Variants in MAST1 observed in about 807,000 individuals in gnomAD.
MAST1 encodes microtubule associated serine/threonine kinase 1, also known as microtubule-associated serine/threonine-protein kinase 1.
Under a neutral mutation model 124.6 loss-of-function variants are expected in MAST1, and 40 were observed. The ratio of observed to expected loss-of-function variants is 0.32; its 90% CI spans 0.25 to 0.42. The LOEUF is 0.42. Among genes scored for constraint, MAST1 ranks in the 10% least tolerant of loss-of-function variants. The probability of loss-of-function intolerance (pLI) is 1.00; values close to 1 mark genes in which losing one functional copy is unlikely to be tolerated. For missense variants in MAST1, 1,558 were observed against 2,181.9 expected, an observed-to-expected ratio of 0.71 and a Z score of 5.70; for synonymous variants, 938 against 939.4, an observed-to-expected ratio of 1.00 and a Z score of 0.03.
In MAST1 at chr19:12,873,269, G is replaced by T. The variant is rs1032879254; in HGVS notation, c.3264-55G>T. 8.4e-6 allele frequency: 13 copies of T among 1,556,748 alleles called. No homozygotes were observed. The Admixed American group carries it at 2.0e-4, about 25-fold the overall frequency. On this transcript the variant is annotated intron_variant, in intron 24 of 25. Coordinates refer to ENST00000251472, the MANE Select transcript of MAST1 (RefSeq NM_014975.3). ...GTTGTGAGGCCGTGAAATGGGAGGAGCCCTGAGCTCTGGCGTCCAGGTCAA... is the reference window on the plus strand; with the variant it reads ...GTTGTGAGGCCGTGAAATGGGAGGATCCCTGAGCTCTGGCGTCCAGGTCAA...
chr19:12,866,574 AC>A lies in MAST1; in HGVS notation c.2030-77del. ...CTGAAGACTTGTAAACCCGTCTTGA[AC>A]CAGGACTGGGCTCCTGTGGGGATGT... is the stretch of plus-strand genomic sequence containing the variant. On this transcript the variant is annotated intron_variant, in intron 17 of 25. Coordinates refer to ENST00000251472, the MANE Select transcript of MAST1 (RefSeq NM_014975.3). This position sits in a 1 kb window ranked among gnomAD's most constrained non-coding sequence, Gnocchi z 5.2. 1.1e-6 allele frequency: 1 copy of A among 924,918 alleles called. No homozygotes were observed. Among genetic ancestry groups the A allele is most frequent in the Non-Finnish European group, 1.7e-6 (1 of 578,962 alleles). 57.3% of individuals were successfully genotyped at this position (924,918 alleles called of 1,614,324 possible).
Position 12,838,649 on chromosome 19 carries a change from C to T in MAST1, c.77C>T (p.Thr26Ile). The T allele has an allele frequency of 6.2e-7, 1 of 1,609,286 alleles. No homozygotes were observed. Among genetic ancestry groups the T allele is most frequent in the Non-Finnish European group, 8.5e-7 (1 of 1,178,264 alleles). The change falls in exon 1 of 26, where the codon ACC (threonine) becomes ATC (isoleucine). Residue 26 changes from threonine to isoleucine, a missense_variant. Physicochemically the swap from Thr to Ile is moderately conservative, Grantham distance 89 (BLOSUM62 -1). Transcript: ENST00000251472. The surrounding 1 kb of genome is among the most constrained non-coding windows in gnomAD (Gnocchi z 4.3). ...CCCGGCGGCAGTATGTTCCGCCGCA[C>T]CAAGAGGTAGACCCCCGATCCCCTA... ...SFPGGSMFRR[T>I]KSCRTSNRKS... is the part of the protein sequence containing the mutation.
In MAST1 at chr19:12,873,751, G is replaced by A. The variant is rs1446181445; in HGVS notation, c.3594G>A (p.Ser1198=). Residue 1198 remains serine (S), a synonymous_variant, in exon 26 of 26, where the codon TCG becomes TCA. Transcript: ENST00000251472. ...HRQYRSARCK[S]AGNIPLSPLA... ...AGTACCGCTCTGCGCGATGCAAGTC[G>A]GCCGGCAACATCCCTCTATCGCCGC... The A allele has an allele frequency of 6.2e-7, 1 of 1,601,762 alleles. No individual in the cohort carries two copies. The highest frequency in any genetic ancestry group is 8.5e-7 in the Non-Finnish European group (1 of 1,179,264).
In MAST1 at chr19:12,874,457, G is replaced by A. The variant is rs1214634136; in HGVS notation, c.4300G>A (p.Val1434Ile). 3 of 1,593,766 alleles carry A rather than the reference G, an allele frequency of 1.9e-6. No individual in the cohort carries two copies. Among genetic ancestry groups the A allele is most frequent in the Non-Finnish European group, 2.5e-6 (3 of 1,176,512 alleles). The change falls in exon 26 of 26, where the codon GTA becomes ATA. Residue 1434 changes from valine (V) to isoleucine (I), a missense_variant. By Grantham distance (29) the Val-to-Ile change is conservative. Around this residue, in one of 10 missense-constraint regions of MAST1, gnomAD observed 263 missense variants for 310.9 expected, o/e 0.85. Coordinates refer to ENST00000251472, the MANE Select transcript of MAST1 (RefSeq NM_014975.3). This position sits in a 1 kb window ranked among gnomAD's most constrained non-coding sequence, Gnocchi z 6.6. ...SSSGEAGTPL[V>I]PIVVEPARPG... Reference sequence around the variant, plus strand: ...CTCTGGCGAGGCGGGCACACCCCTGGTACCCATTGTCGTAGAGCCTGCGCG... The same window carrying A: ...CTCTGGCGAGGCGGGCACACCCCTGATACCCATTGTCGTAGAGCCTGCGCG...
In MAST1 at chr19:12,847,488, G is replaced by A. The variant is rs1174997149; in HGVS notation, c.488+38G>A. The A allele has an allele frequency of 5.6e-6, 9 of 1,612,642 alleles. No individual in the cohort carries two copies. The African/African-American group carries it at 1.2e-4, about 22-fold the overall frequency. On this transcript the variant is annotated intron_variant, in intron 5 of 25. Coordinates refer to ENST00000251472, the MANE Select transcript of MAST1 (RefSeq NM_014975.3). The surrounding 1 kb of genome is among the most constrained non-coding windows in gnomAD (Gnocchi z 5.5). ...CCCTCCTCCTTCGTACCAAGCTAGTGGTCTTAGGACTTGTGCTTAGAGAGA... is the reference window on the plus strand; with the variant it reads ...CCCTCCTCCTTCGTACCAAGCTAGTAGTCTTAGGACTTGTGCTTAGAGAGA...
At position 12,865,538 on chromosome 19, in the gene MAST1, G is replaced by A. The variant is rs1970141057; in HGVS notation, c.1804+57G>A. The stretch of plus-strand genomic sequence containing the variant: ...TGTGGTGTGCACGGAGAGATGGACA[G>A]GCTCAGGGTTCCAGGGATTTCAAAA... On this transcript the variant is annotated intron_variant, in intron 15 of 25. Coordinates refer to ENST00000251472, the MANE Select transcript of MAST1 (RefSeq NM_014975.3). The surrounding 1 kb of genome is among the most constrained non-coding windows in gnomAD (Gnocchi z 7.1). The A allele has an allele frequency of 1.3e-6, 2 of 1,533,500 alleles. No homozygotes were observed. The highest frequency in any genetic ancestry group is 4.5e-5 in the East Asian group (2 of 44,220). The allele number at this position is 1,533,500 out of a possible 1,614,324, so 95.0% of individuals were successfully genotyped here.
chr19:12,874,152 G>A lies in MAST1; in HGVS notation c.3995G>A (p.Gly1332Asp), dbSNP rs1970279282. ...APRQVAVRRL[G>D]RQESPLSLGA... ...CGGCAGGTCGCCGTCCGCCGCCTGG[G>A]CCGACAGGAGTCACCTTTGAGCCTG... The change falls in exon 26 of 26, where the codon GGC (glycine) becomes GAC (aspartate). Residue 1332 changes from glycine to aspartate, a missense_variant. Gly to Asp is a moderately conservative substitution (Grantham distance 94, BLOSUM62 -1). Coordinates refer to ENST00000251472, the MANE Select transcript of MAST1 (RefSeq NM_014975.3). This position sits in a 1 kb window ranked among gnomAD's most constrained non-coding sequence, Gnocchi z 6.6. 2 of 1,540,676 alleles carry A rather than the reference G, an allele frequency of 1.3e-6. No homozygotes were observed. The highest frequency in any genetic ancestry group is 4.9e-5 in the East Asian group (2 of 40,948).
In MAST1 at chr19:12,864,892, G is replaced by A; in HGVS notation, c.1450G>A (p.Ala484Thr). Residue 484 changes from alanine to threonine, a missense_variant, in exon 13 of 26, where the codon GCC (alanine) becomes ACC (threonine). Ala to Thr is a moderately conservative substitution (Grantham distance 58). This residue lies in a region of MAST1 where 145 missense variants were observed against 350.0 expected (regional missense o/e 0.41). Coordinates refer to ENST00000251472, the MANE Select transcript of MAST1 (RefSeq NM_014975.3). Reference sequence around the variant, plus strand: ...CATGTACTTTGCTGAGACGGTGCTAGCCCTGGAGTATTTGCACAACTATGG... The same window carrying A: ...CATGTACTTTGCTGAGACGGTGCTAACCCTGGAGTATTTGCACAACTATGG... ...ARMYFAETVL[A>T]LEYLHNYGIV... is the part of the protein sequence containing the mutation. 6.2e-7 allele frequency: 1 copy of A among 1,614,126 alleles called. No homozygotes were observed. The highest frequency in any genetic ancestry group is 8.5e-7 in the Non-Finnish European group (1 of 1,180,028).
At chr19:12,850,942 T>G (rs1326853450) in intron 7 of MAST1, among the ~76,000 whole-genome samples, 1 of 145,672 alleles carries the variant, frequency 6.9e-6, no homozygotes, top group Non-Finnish European at 1.5e-5. Flanking sequence ...AGATATTAGT[T>G]TTTTCTTTTC....
Position 12,867,978 on chromosome 19 carries a change from G to A in MAST1, c.2566+1G>A. ...TCCAGCGCCGGGGACTCCGAGGCCA[G>A]TGAGTGCCCTATCGTGCTGCCTTCC... On this transcript the variant is annotated splice_donor_variant, in intron 20 of 25. Coordinates refer to ENST00000251472, the MANE Select transcript of MAST1 (RefSeq NM_014975.3). LOFTEE classifies it high-confidence loss of function. 6.5e-7 allele frequency: 1 copy of A among 1,541,302 alleles called. No individual in the cohort carries two copies. The highest frequency in any genetic ancestry group is 8.7e-7 in the Non-Finnish European group (1 of 1,146,226).
chr19:12,851,169 A>G (rs1240018181), intron 7 of MAST1, among the ~76,000 whole-genome samples: 1 of 151,868 alleles, frequency 6.6e-6, no homozygotes, highest in African/African-American at 2.4e-5. Flanking sequence ...GCTGGTCTCA[A>G]ACCCCTGACC....
intron 24 of MAST1, among the ~76,000 whole-genome samples, chr19:12,872,311 C>G (rs563045115): frequency 6.6e-6 from 1 of 152,056 alleles, no homozygotes; most frequent in Admixed American, 6.6e-5. Flanking sequence ...TTGGCCCAGA[C>G]AAGTACAGGG....
rs11880128 is a variant in MAST1, at chr19:12,874,705, G to A, written c.4548G>A (p.Lys1516=). Residue 1516 remains lysine, a synonymous_variant, in exon 26 of 26, where the codon AAG becomes AAA. Coordinates refer to ENST00000251472, the MANE Select transcript of MAST1 (RefSeq NM_014975.3). This position sits in a 1 kb window ranked among gnomAD's most constrained non-coding sequence, Gnocchi z 6.6. ...EPQTPSLAPA[K]CSAPSSAVTP... is the part of the protein sequence containing the mutation. Reference sequence around the variant, plus strand: ...AGACACCCTCCCTAGCCCCAGCGAAGTGCAGTGCACCCAGCAGTGCAGTGA... The same window carrying A: ...AGACACCCTCCCTAGCCCCAGCGAAATGCAGTGCACCCAGCAGTGCAGTGA... 1.5e-3 allele frequency: 2,440 copies of A among 1,579,458 alleles called. 29 individuals carry two copies. The African/African-American group carries it at 0.029, about 19-fold the overall frequency.
intron 10 of MAST1, among the ~76,000 whole-genome samples, chr19:12,855,001 C>T (rs1022492267): frequency 2.6e-5 from 4 of 151,938 alleles, no homozygotes; most frequent in Admixed American, 1.3e-4. Flanking sequence ...GAGACTGCGG[C>T]GGGTGGATCA....
chr19:12,839,513 G>A (rs1443794792), intron 1 of MAST1, among the ~76,000 whole-genome samples: 1 of 152,216 alleles, frequency 6.6e-6, no homozygotes, highest in African/African-American at 2.4e-5. Flanking sequence ...ATAAACAGAT[G>A]TAGGGATCTT....
intron 12 of MAST1, among the ~76,000 whole-genome samples, chr19:12,863,073 C>T (rs1156964156): frequency 2.9e-5 from 4 of 138,608 alleles, no homozygotes; most frequent in Admixed American, 8.0e-5. Flanking sequence ...CTCTTGAACC[C>T]GGGGGCGGTG....
Position 12,873,430 on chromosome 19 carries a change from C to A in MAST1, c.3370C>A (p.Leu1124Ile). 6.2e-7 allele frequency: 1 copy of A among 1,613,224 alleles called. No individual in the cohort carries two copies. Among genetic ancestry groups the A allele is most frequent in the Non-Finnish European group, 8.5e-7 (1 of 1,179,962 alleles). ...CCGCTCGCTGTCATCCAGCGATAGT[C>A]TCCCGGGCTCGCCTACGCACGGGCT... ...LNRSLSSSDS[L>I]PGSPTHGLPA... Residue 1124 changes from leucine (L) to isoleucine (I), a missense_variant, in exon 25 of 26, where the codon CTC becomes ATC. Physicochemically the swap from Leu to Ile is conservative, Grantham distance 5 (BLOSUM62 2). Coordinates refer to ENST00000251472, the MANE Select transcript of MAST1 (RefSeq NM_014975.3).
In MAST1 at chr19:12,869,185, C is replaced by T. The variant is rs757403297; in HGVS notation, c.2893C>T (p.Arg965Cys). ...RDYSPAVSGLRSPITIQRSGK... is the reference protein window; with the variant it reads ...RDYSPAVSGLCSPITIQRSGK... ...CTACTCACCAGCTGTCAGTGGGCTC[C>T]GCTCCCCCATCACCATCCAGCGCTC... The change falls in exon 22 of 26, where the codon CGC (arginine) becomes TGC (cysteine). Residue 965 changes from arginine (R) to cysteine (C), a missense_variant. Arg to Cys is a radical substitution (Grantham distance 180). Transcript: ENST00000251472. The T allele has an allele frequency of 2.3e-5, 37 of 1,614,070 alleles. No individual in the cohort carries two copies. Among genetic ancestry groups the T allele is most frequent in the Admixed American group, 5.0e-5 (3 of 60,004 alleles).
At chr19:12,856,333 A>C (rs1599583499) in intron 10 of MAST1, among the ~76,000 whole-genome samples, 1 of 142,218 alleles carries the variant, frequency 7.0e-6, no homozygotes. Context: ...ACAAAGTTCC[A>C]CTCTTGTTGC....
Sources: allele counts gnomAD v4.1 joint callset (sites outside exome capture counted in the v4.1 genomes callset), GRCh38; gene constraint gnomAD v4.1.1; regional missense constraint gnomAD v4.1.1; non-coding constraint Gnocchi (gnomAD v3.1); transcripts MANE v1.5; gene names NCBI Gene and HGNC (gene_info 2026-07-23, HGNC 2026-07-21).